The following CNKSR3 variants were observed in gnomAD, a reference collection of about 807,000 sequenced individuals.
The protein encoded by CNKSR3 is connector enhancer of kinase suppressor of ras 3.
CNKSR3 carries 36 observed loss-of-function variants against 67.7 expected under a neutral mutation model. The observed-to-expected ratio is 0.53, with a 90% confidence interval of 0.41 to 0.70. The LOEUF (loss-of-function observed/expected upper bound fraction) is 0.70. CNKSR3 is among the 30% of genes least tolerant of loss of function. The pLI is 0.00. For synonymous variants in CNKSR3, 281 were observed against 271.4 expected (o/e 1.04, Z -0.35); for missense variants, 630 against 695.2 (o/e 0.91, Z 1.05).
intron 1 of CNKSR3, among the ~76,000 whole-genome samples, chr6:154,482,625 T>A (rs975164424): frequency 2.0e-5 from 3 of 152,186 alleles, no homozygotes; most frequent in Non-Finnish European, 4.4e-5. Context: ...ACAATGATTA[T>A]GTGCAAATAA....
intron 4 of CNKSR3, among the ~76,000 whole-genome samples, chr6:154,439,214 A>C (rs1230661674): frequency 6.6e-6 from 1 of 152,234 alleles, no homozygotes; most frequent in Non-Finnish European, 1.5e-5. Flanking sequence ...AAGTCTGCTT[A>C]TCTATCCATT....
rs542149701 is a variant in CNKSR3 at position 154,393,324 on chromosome 6, C to T, written c.*13030G>A. 3 of 152,274 alleles carry T rather than the reference C, an allele frequency of 2.0e-5. No homozygotes were observed. The South Asian group carries it at 6.2e-4, about 32-fold the overall frequency. 9.4% of individuals were successfully genotyped at this position (152,274 alleles called of 1,614,324 possible). On this transcript the variant is annotated 3_prime_UTR_variant, in exon 13 of 13. Transcript: ENST00000607772. Reference sequence around the variant, plus strand: ...CCTCATACACATAATATACCAGATCCCACTGATCGTTCTAGGATATCCTCC... The same window carrying T: ...CCTCATACACATAATATACCAGATCTCACTGATCGTTCTAGGATATCCTCC...
chr6:154,483,209 A>G (rs148118225), intron 1 of CNKSR3, among the ~76,000 whole-genome samples: 374 of 152,316 alleles, frequency 2.5e-3, no homozygotes, highest in Admixed American at 4.6e-3. Flanking sequence ...CTGAGCCTCT[A>G]GGTATCCAAT....
At chr6:154,411,489 A>G (rs1024400021) in intron 10 of CNKSR3, among the ~76,000 whole-genome samples, 1 of 152,184 alleles carries the variant, frequency 6.6e-6, no homozygotes, top group Admixed American at 6.5e-5. Flanking sequence ...TCTACTAAAA[A>G]TACAAAAATT....
At chr6:154,497,728 G>A (rs1786907174) in intron 1 of CNKSR3, among the ~76,000 whole-genome samples, 1 of 152,180 alleles carries the variant, frequency 6.6e-6, no homozygotes, top group Non-Finnish European at 1.5e-5. Context: ...CAAACTGAAA[G>A]ACTACAATAT....
rs1229682308 is a variant in CNKSR3 at position 154,397,109 on chromosome 6, CTAAT to C, written c.*9241_*9244del. 1 of 152,090 alleles carries C rather than the reference CTAAT, an allele frequency of 6.6e-6. No homozygotes were observed. Among genetic ancestry groups the C allele is most frequent in the Admixed American group, 6.6e-5 (1 of 15,262 alleles). 9.4% of individuals were successfully genotyped at this position (152,090 alleles called of 1,614,324 possible). ...GCGTGACCCACCGCGCCCGGCCTCA[CTAAT>C]TGTTAGTTTAAATTACCACCTACAT... On this transcript the variant is annotated 3_prime_UTR_variant, in exon 13 of 13. Transcript: ENST00000607772.
intron 1 of CNKSR3, among the ~76,000 whole-genome samples, chr6:154,481,166 CTT>C (rs368187942): frequency 3.0e-4 from 45 of 151,412 alleles, no homozygotes; most frequent in African/African-American, 1.1e-3. Context: ...TTATAGCAGT[CTT>C]ATGCTTATTT....
At chr6:154,483,811 G>C (rs1357231301) in intron 1 of CNKSR3, among the ~76,000 whole-genome samples, 1 of 152,100 alleles carries the variant, frequency 6.6e-6, no homozygotes, top group Non-Finnish European at 1.5e-5. Flanking sequence ...AATAAATAAT[G>C]CTGACATTTC....
intron 1 of CNKSR3, among the ~76,000 whole-genome samples, chr6:154,488,527 G>A (rs1045717321): frequency 1.3e-5 from 2 of 152,032 alleles, no homozygotes; most frequent in African/African-American, 2.4e-5. Flanking sequence ...CTGAAAATAC[G>A]AAAAAGATAC....
chr6:154,442,039 G>T, intron 3 of CNKSR3, 49 bp downstream of exon 3: 1 of 1,485,206 alleles, frequency 6.7e-7, no homozygotes, highest in Non-Finnish European at 9.1e-7. Context: ...CATGCAGCTT[G>T]GACTCTATCT....
At position 154,391,698 on chromosome 6, in the gene CNKSR3, G is replaced by C. The variant is rs1044557432; in HGVS notation, c.*14656C>G. On this transcript the variant is annotated 3_prime_UTR_variant, in exon 13 of 13. Transcript: ENST00000607772. ...CTTCTCTTTTTTCTCACCTCGCCTT[G>C]GGCTTGTATCTTCCAAATAAAACAC... 5.5e-4 allele frequency: 83 copies of C among 152,120 alleles called. No homozygotes were observed. Among genetic ancestry groups the C allele is most frequent in the African/African-American group, 2.0e-3 (82 of 41,506 alleles). 9.4% of individuals were successfully genotyped at this position (152,120 alleles called of 1,614,324 possible). A position where few individuals can be genotyped will look rare whatever the true frequency, so the allele number is the denominator to read the frequency against.
chr6:154,475,408 A>G (rs1210954131), intron 1 of CNKSR3, among the ~76,000 whole-genome samples: 1 of 151,992 alleles, frequency 6.6e-6, no homozygotes. Flanking sequence ...ACCCTCATCC[A>G]TGAAGTTTTC....
In CNKSR3 at chr6:154,389,415, T is replaced by C. The variant is rs1015293573; in HGVS notation, c.*16939A>G. The C allele has an allele frequency of 2.6e-5, 4 of 152,356 alleles. No homozygotes were observed. Among genetic ancestry groups the C allele is most frequent in the African/African-American group, 9.6e-5 (4 of 41,458 alleles). 9.4% of individuals were successfully genotyped at this position (152,356 alleles called of 1,614,324 possible). On this transcript the variant is annotated 3_prime_UTR_variant, in exon 13 of 13. Coordinates refer to ENST00000607772, the MANE Select transcript of CNKSR3 (RefSeq NM_173515.4). ...AGTTGACAATATACATGTGAATCTA[T>C]TTCTGGACTCTCTATTCTGTTCCAT...
chr6:154,441,438 T>TG lies in CNKSR3; in HGVS notation c.420-60dup, dbSNP rs1785584876. On this transcript the variant is annotated intron_variant, in intron 3 of 12. Transcript: ENST00000607772. The stretch of plus-strand genomic sequence containing the variant: ...TAGGGAGAATCCACGGGGATCCCAC[T>TG]GGATGTTGGTAAGCATAGCTACCCC... 1.6e-5 allele frequency: 20 copies of TG among 1,261,676 alleles called. No homozygotes were observed. In the Admixed American group the frequency reaches 3.2e-4, roughly 20 times the overall value. The allele number at this position is 1,261,676 out of a possible 1,614,324, so 78.2% of individuals were successfully genotyped here. A position where few individuals can be genotyped will look rare whatever the true frequency, so the allele number is the denominator to read the frequency against.
At position 154,502,820 on chromosome 6, in the gene CNKSR3, T is replaced by C. The variant is rs538370821; in HGVS notation, c.52+7243A>G. ...TAAGCCAGTGATGACACGCCAGAAA[T>C]AGCATAAATGAGAGGAAAGAGAGAA... On this transcript the variant is annotated intron_variant, in intron 1 of 12. Coordinates refer to ENST00000607772, the MANE Select transcript of CNKSR3 (RefSeq NM_173515.4). 9.2e-5 allele frequency among the ~76,000 whole-genome samples: 14 copies of C among 152,018 alleles called. 1 individual carries two copies. The East Asian group carries it at 2.7e-3, about 29-fold the overall frequency.
chr6:154,434,923 T>C (rs1403318885), intron 4 of CNKSR3, among the ~76,000 whole-genome samples: 1 of 152,020 alleles, frequency 6.6e-6, no homozygotes, highest in African/African-American at 2.4e-5. Context: ...AAACACAGTA[T>C]ACATATGTGA....
At chr6:154,416,248 G>A (rs891866879) in intron 9 of CNKSR3, among the ~76,000 whole-genome samples, 4 of 152,170 alleles carry the variant, frequency 2.6e-5, no homozygotes, top group Admixed American at 6.5e-5. Flanking sequence ...CCAGTGTGAC[G>A]GAGCTAGACA....
At chr6:154,499,268 T>A (rs1217095066) in intron 1 of CNKSR3, among the ~76,000 whole-genome samples, 1 of 152,230 alleles carries the variant, frequency 6.6e-6, no homozygotes, top group Non-Finnish European at 1.5e-5. Flanking sequence ...AGCAAAAAAC[T>A]GTGGACAGGC....
chr6:154,442,019 G>A (rs1345662725), intron 3 of CNKSR3, 69 bp downstream of exon 3: 9 of 1,399,936 alleles, frequency 6.4e-6, no homozygotes, highest in Admixed American at 2.3e-5. Context: ...CTAAGACAAA[G>A]TACAGCTTCC....
Sources: gnomAD v4.1 joint callset for allele counts (sites outside exome capture counted in the v4.1 genomes callset) on GRCh38, gnomAD v4.1.1 for gene constraint, MANE v1.5 for transcripts, NCBI Gene and HGNC (gene_info 2026-07-23, HGNC 2026-07-21) for gene names.